LIPA: variants seen among roughly 807,000 people sequenced by gnomAD.
LIPA encodes the protein lysosomal acid lipase/cholesteryl ester hydrolase.
In LIPA, 26 loss-of-function variants were observed where a neutral mutation model predicts 40.6. The observed-to-expected ratio is 0.64, with a 90% confidence interval of 0.47 to 0.89. The LOEUF is 0.89. LIPA is among the 40% of genes least tolerant of loss of function. The probability of loss-of-function intolerance (pLI) is 0.00; values close to 1 mark genes in which losing one functional copy is unlikely to be tolerated. For synonymous variants in LIPA, 188 were observed against 168.4 expected (o/e 1.12, Z -0.90); for missense variants, 455 against 479.6 (o/e 0.95, Z 0.48).
At chr10:89,402,713 A>T in intron 2 of LIPA, 1 of 1,614,222 alleles carries the variant, frequency 6.2e-7, no homozygotes, top group Non-Finnish European at 8.5e-7. Context: ...GTGAGGAAGG[A>T]TGGGCCTTGC....
At chr10:89,413,013 C>T (rs1480570576) in intron 1 of LIPA, 1 of 176,034 alleles carries the variant, frequency 5.7e-6, no homozygotes, top group Non-Finnish European at 1.2e-5. Flanking sequence ...CTCCCACCAC[C>T]CCCAACTCCA....
rs755368568 is a variant in LIPA, at chr10:89,332,654, G to A, written c.-2+9957C>T. 7 of 1,611,542 alleles carry A rather than the reference G, an allele frequency of 4.3e-6. No individual in the cohort carries two copies. In the South Asian group the frequency reaches 7.7e-5, roughly 18 times the overall value. On this transcript the variant is annotated intron_variant, in intron 1 of 5. Coordinates refer to the LIPA transcript ENST00000282673. ...TAAATAGTCCCTGCTTCTCTGATAG[G>A]AAACAGAATTTCTTATGTACAACTT...
intron 1 of LIPA, among the ~76,000 whole-genome samples, chr10:89,280,204 T>C (rs1843308026): frequency 6.6e-6 from 1 of 152,192 alleles, no homozygotes; most frequent in South Asian, 2.1e-4. Flanking sequence ...CTTCAGACTT[T>C]TATTTTGTTT....
At chr10:89,367,823 AT>A (rs201475302) in intron 2 of LIPA, among the ~76,000 whole-genome samples, 151 of 149,712 alleles carry the variant, frequency 1.0e-3, no homozygotes, top group Middle Eastern at 3.4e-3. Context: ...AACAGAAACT[AT>A]TTTTTTTTTC....
intron 1 of LIPA, among the ~76,000 whole-genome samples, chr10:89,289,751 G>A (rs187897672): frequency 6.6e-6 from 1 of 152,218 alleles, no homozygotes; most frequent in Non-Finnish European, 1.5e-5. Flanking sequence ...AAGATCTTTG[G>A]TGACAAAGTA....
chr10:89,242,508 T>C (rs932562991), intron 3 of LIPA, among the ~76,000 whole-genome samples: 2 of 152,284 alleles, frequency 1.3e-5, no homozygotes, highest in Non-Finnish European at 2.9e-5. Context: ...GTAAAGCCTT[T>C]AAGCAAACAT....
At chr10:89,393,789 C>T (rs752122744) in intron 2 of LIPA, among the ~76,000 whole-genome samples, 7 of 152,162 alleles carry the variant, frequency 4.6e-5, no homozygotes, top group Non-Finnish European at 7.4e-5. Context: ...ATTTTCCCCT[C>T]AGTGCTCCAG....
In LIPA at chr10:89,302,151, C is replaced by T. The variant is rs755480937; in HGVS notation, c.-2+40460G>A. 2.6e-5 allele frequency: 42 copies of T among 1,613,234 alleles called. No individual in the cohort carries two copies. The South Asian group carries it at 2.7e-4, about 11-fold the overall frequency. On this transcript the variant is annotated intron_variant, in intron 1 of 5. Transcript: ENST00000282673. ...GAGGTAAATATTTTCCCTTCGTATT[C>T]GGTAGTGCTGTTGAGTCATCTTGTC...
intron 1 of LIPA, among the ~76,000 whole-genome samples, chr10:89,319,201 A>G (rs1250926004): frequency 1.3e-5 from 2 of 152,348 alleles, no homozygotes; most frequent in South Asian, 2.1e-4. Flanking sequence ...AAGGCAAGAA[A>G]TAACTAAGAT....
intron 1 of LIPA, among the ~76,000 whole-genome samples, chr10:89,279,380 T>C (rs1270440224): frequency 6.6e-6 from 1 of 151,664 alleles, no homozygotes; most frequent in Non-Finnish European, 1.5e-5. Flanking sequence ...AAATGAAGAG[T>C]GTGAGGGAGG....
chr10:89,234,764 G>A (rs1842884355), intron 3 of LIPA, among the ~76,000 whole-genome samples: 1 of 152,222 alleles, frequency 6.6e-6, no homozygotes, highest in South Asian at 2.1e-4. Context: ...ATCTTCCAGT[G>A]AACTATTTCA....
intron 3 of LIPA, among the ~76,000 whole-genome samples, chr10:89,241,954 C>T (rs1361504460): frequency 6.6e-6 from 1 of 152,144 alleles, no homozygotes; most frequent in Non-Finnish European, 1.5e-5. Context: ...AAATTCATTT[C>T]CCTATTTGAA....
chr10:89,224,630 T>C (rs1427227892), intron 6 of LIPA, among the ~76,000 whole-genome samples: 1 of 152,218 alleles, frequency 6.6e-6, no homozygotes, highest in African/African-American at 2.4e-5. Flanking sequence ...AGAGCCCTGA[T>C]GAAGCTACTG....
rs10540155 is a variant in LIPA, at chr10:89,331,858, CAA to C, written c.-2+10751_-2+10752del. Among the ~76,000 whole-genome samples the C allele has an allele frequency of 4.3e-3, 346 of 80,588 alleles. 1 individual carries two copies. The highest frequency in any genetic ancestry group is 0.012 in the African/African-American group (282 of 22,702). The allele number at this position is 80,588 out of a possible 152,430, so 52.9% of individuals were successfully genotyped here. ...TGGATGACAGAGTGAGATCCTGTCT[CAA>C]AAAAAAAAAAAAAAAAAAAAAGTAA... On this transcript the variant is annotated intron_variant, in intron 1 of 5. Transcript: ENST00000282673.
At chr10:89,266,791 G>T (rs1285063629) in intron 1 of LIPA, among the ~76,000 whole-genome samples, 1 of 152,244 alleles carries the variant, frequency 6.6e-6, no homozygotes, top group East Asian at 1.9e-4. Context: ...TCTACAAAGT[G>T]TTCTGTGACT....
intron 3 of LIPA, among the ~76,000 whole-genome samples, chr10:89,244,272 G>C (rs546130481): frequency 3.9e-5 from 6 of 152,174 alleles, no homozygotes; most frequent in Admixed American, 3.3e-4. Context: ...GATAAATTAA[G>C]AAAAAACAAA....
chr10:89,295,035 G>T lies in LIPA; in HGVS notation c.-1-47386C>A, dbSNP rs541659074. Among the ~76,000 whole-genome samples the T allele has an allele frequency of 6.6e-3, 923 of 139,258 alleles. 3 individuals carry two copies. Among genetic ancestry groups the T allele is most frequent in the Non-Finnish European group, 0.011 (701 of 65,598 alleles). 91.4% of individuals were successfully genotyped at this position (139,258 alleles called of 152,430 possible). A position where few individuals can be genotyped will look rare whatever the true frequency, so the allele number is the denominator to read the frequency against. ...GGAAATGAAATGAAAGGAAAGGAAA[G>T]GAAAGGAAAGGAAAGGAAAGGAAAG... On this transcript the variant is annotated intron_variant, in intron 1 of 5. Coordinates refer to the LIPA transcript ENST00000282673.
intron 1 of LIPA, chr10:89,302,157 T>TG (rs1564780259): frequency 6.2e-7 from 1 of 1,612,828 alleles, no homozygotes; most frequent in Non-Finnish European, 8.5e-7. Context: ...TATTCGGTAG[T>TG]GCTGTTGAGT....
intron 1 of LIPA, among the ~76,000 whole-genome samples, chr10:89,250,382 C>T (rs1159097119): frequency 6.6e-6 from 1 of 152,128 alleles, no homozygotes. Context: ...GGATTACAGG[C>T]GTGAGCCACC....
Sources: gnomAD v4.1 joint callset for allele counts (sites outside exome capture counted in the v4.1 genomes callset) on GRCh38, gnomAD v4.1.1 for gene constraint, MANE v1.5 for transcripts, NCBI Gene and HGNC (gene_info 2026-07-23, HGNC 2026-07-21) for gene names.